Variants in BOLA3 observed in about 807,000 individuals in gnomAD.
BOLA3 encodes bolA family member 3.
A neutral mutation model predicts 14.5 loss-of-function variants in BOLA3; 8 were observed. The observed-to-expected ratio is 0.55, with a 90% CI of 0.32 to 0.99. The LOEUF is 0.99. Ranked by LOEUF, BOLA3 falls within the 50% of genes least tolerant of loss-of-function variation. BOLA3 has a pLI of 0.04. For synonymous variants in BOLA3, 42 were observed against 45.7 expected, an observed-to-expected ratio of 0.92 and a Z score of 0.33; for missense variants, 115 against 138.2, an observed-to-expected ratio of 0.83 and a Z score of 0.84.
chr2:74,136,472 T>A (rs1261062868), intron 3 of BOLA3, among the ~76,000 whole-genome samples: 1 of 152,216 alleles, frequency 6.6e-6, no homozygotes, highest in African/African-American at 2.4e-5. Context: ...AAATTTTTTT[T>A]AAAGCTCATC....
At chr2:74,138,266 T>C (rs1020710195) in intron 3 of BOLA3, among the ~76,000 whole-genome samples, 2 of 152,236 alleles carry the variant, frequency 1.3e-5, no homozygotes, top group Non-Finnish European at 2.9e-5. Context: ...GCACCTGCTA[T>C]GCCCACAGCA....
In BOLA3 at chr2:74,135,402, A is replaced by G. The variant is rs1692304506; in HGVS notation, c.*191T>C. 3 of 916,272 alleles carry G rather than the reference A, an allele frequency of 3.3e-6. No homozygotes were observed. Among genetic ancestry groups the G allele is most frequent in the South Asian group, 3.0e-5 (2 of 66,942 alleles). 56.8% of individuals were successfully genotyped at this position (916,272 alleles called of 1,614,324 possible). A position where few individuals can be genotyped will look rare whatever the true frequency, so the allele number is the denominator to read the frequency against. On this transcript the variant is annotated 3_prime_UTR_variant, in exon 4 of 4. Coordinates refer to ENST00000327428, the MANE Select transcript of BOLA3 (RefSeq NM_212552.3). ...AAAGGAACCTGAAACATTACTAATGACCCTTCAAAAGCTTCAGTTGTTTGT... is the reference window on the plus strand; with the variant it reads ...AAAGGAACCTGAAACATTACTAATGGCCCTTCAAAAGCTTCAGTTGTTTGT...
intron 2 of BOLA3, among the ~76,000 whole-genome samples, chr2:74,143,809 C>T (rs555496055): frequency 1.2e-4 from 18 of 152,008 alleles, no homozygotes; most frequent in African/African-American, 4.1e-4. Flanking sequence ...GCCTCAGCCT[C>T]CTGAGTAGCT....
intron 3 of BOLA3, among the ~76,000 whole-genome samples, chr2:74,138,193 G>C (rs756923253): frequency 1.4e-4 from 22 of 152,340 alleles, no homozygotes; most frequent in African/African-American, 4.8e-4. Context: ...GGGCCCTGCT[G>C]GGGGAAGTGA....
intron 3 of BOLA3, 61 bp from the exon 4 acceptor site, chr2:74,135,719 T>G: frequency 8.4e-7 from 1 of 1,192,098 alleles, no homozygotes; most frequent in Non-Finnish European, 1.3e-6. Context: ...AGTAATTCTC[T>G]GAGAGTATTT....
intron 1 of BOLA3, chr2:74,147,236 A>C (rs1029769038): frequency 6.5e-6 from 1 of 153,930 alleles, no homozygotes; most frequent in African/African-American, 2.4e-5. Context: ...ACTTCTCTTC[A>C]TGCACAGGGC....
At chr2:74,142,436 T>C (rs1034272686) in intron 2 of BOLA3, 76 bp from the exon 3 acceptor site, 35 of 1,103,962 alleles carry the variant, frequency 3.2e-5, no homozygotes, top group Non-Finnish European at 4.8e-5. Context: ...CTTGAAGTAC[T>C]GTACAATCCA....
At chr2:74,139,371 G>C (rs1048137948) in intron 3 of BOLA3, among the ~76,000 whole-genome samples, 1 of 151,976 alleles carries the variant, frequency 6.6e-6, no homozygotes, top group African/African-American at 2.4e-5. Context: ...CTGGGCATGA[G>C]AGCATCTGGA....
chr2:74,139,673 A>G (rs140089771), intron 3 of BOLA3, among the ~76,000 whole-genome samples: 173 of 152,312 alleles, frequency 1.1e-3, no homozygotes, highest in Middle Eastern at 3.4e-3. Context: ...CCTATGACCA[A>G]GTCCATATAT....
intron 2 of BOLA3, among the ~76,000 whole-genome samples, chr2:74,144,396 T>C (rs189884270): frequency 2.0e-5 from 3 of 152,256 alleles, no homozygotes; most frequent in Admixed American, 6.5e-5. Context: ...GGAAATGTTA[T>C]GTTCTCAGTA....
chr2:74,147,787 C>T (rs1207296216), intron 1 of BOLA3, 34 bp downstream of exon 1: 1 of 1,529,534 alleles, frequency 6.5e-7, no homozygotes, highest in Non-Finnish European at 8.7e-7. Context: ...GCTCCCGTCC[C>T]GGGGAGAGCA....
chr2:74,140,147 G>A (rs1441171735), intron 3 of BOLA3, among the ~76,000 whole-genome samples: 1 of 152,104 alleles, frequency 6.6e-6, no homozygotes, highest in African/African-American at 2.4e-5. Flanking sequence ...AGCCAGGTGT[G>A]GTGGCGGGCG....
intron 3 of BOLA3, among the ~76,000 whole-genome samples, chr2:74,138,733 C>T (rs756291089): frequency 1.3e-5 from 2 of 152,182 alleles, no homozygotes; most frequent in Non-Finnish European, 2.9e-5. Flanking sequence ...TAGGGGAGGG[C>T]AATCCCCTAA....
At chr2:74,142,390 AATT>A (rs1316687117) in intron 2 of BOLA3, 30 bp from the exon 3 acceptor site, 1 of 1,541,694 alleles carries the variant, frequency 6.5e-7, no homozygotes, top group Non-Finnish European at 9.0e-7. Flanking sequence ...AAAGCATTTC[AATT>A]ATTAAGTCAT....
intron 3 of BOLA3, among the ~76,000 whole-genome samples, chr2:74,139,976 A>G (rs1407341239): frequency 6.6e-6 from 1 of 152,010 alleles, no homozygotes; most frequent in Non-Finnish European, 1.5e-5. Flanking sequence ...CCATCTCTAT[A>G]TAAATATAAA....
chr2:74,139,909 C>A (rs1692406983), intron 3 of BOLA3, among the ~76,000 whole-genome samples: 2 of 152,152 alleles, frequency 1.3e-5, no homozygotes, highest in Non-Finnish European at 2.9e-5. Flanking sequence ...CTTAGGGAGG[C>A]CGAGGCAGGA....
chr2:74,135,762 A>T (rs1692313036), intron 3 of BOLA3, 104 bp from the exon 4 acceptor site: 3 of 895,140 alleles, frequency 3.4e-6, no homozygotes, highest in Non-Finnish European at 5.5e-6. Flanking sequence ...GAGACTTTGT[A>T]TGTGCTTTGT....
At chr2:74,137,057 A>G (rs969390832) in intron 3 of BOLA3, among the ~76,000 whole-genome samples, 6 of 152,186 alleles carry the variant, frequency 3.9e-5, no homozygotes, top group African/African-American at 1.4e-4. Context: ...ATCATACTAG[A>G]GTGGACATTT....
intron 3 of BOLA3, among the ~76,000 whole-genome samples, chr2:74,136,580 C>T (rs1449127519): frequency 6.6e-6 from 1 of 152,186 alleles, no homozygotes; most frequent in African/African-American, 2.4e-5. Context: ...CCCTGCTCTA[C>T]ACTTTGCTCT....
Sources: gnomAD v4.1 joint callset for allele counts (sites outside exome capture counted in the v4.1 genomes callset) on GRCh38, gnomAD v4.1.1 for gene constraint, MANE v1.5 for transcripts, NCBI Gene and HGNC (gene_info 2026-07-23, HGNC 2026-07-21) for gene names.